The following MSI2 variants were observed in gnomAD, a reference collection of about 807,000 sequenced individuals.
The protein encoded by MSI2 is RNA-binding protein Musashi homolog 2.
A neutral mutation model predicts 45.6 loss-of-function variants in MSI2; 17 were observed. The observed-to-expected ratio is 0.37, with a 90% CI of 0.26 to 0.56. The LOEUF (loss-of-function observed/expected upper bound fraction) is 0.56. Ranked by LOEUF, MSI2 falls within the 20% of genes least tolerant of loss-of-function variation. The pLI, the probability that MSI2 is intolerant of heterozygous loss-of-function variation, is 0.77. For synonymous variants in MSI2, 156 were observed against 158.2 expected (o/e 0.99, Z 0.11); for missense variants, 293 against 444.2 (o/e 0.66, Z 3.06).
chr17:57,359,867 T>A (rs1017193934), intron 5 of MSI2, among the ~76,000 whole-genome samples: 2 of 152,268 alleles, frequency 1.3e-5, no homozygotes, highest in Admixed American at 1.3e-4. Context: ...TCACCCACTA[T>A]GCTGAGCTCC....
intron 11 of MSI2, among the ~76,000 whole-genome samples, chr17:57,662,279 C>T (rs1912045805): frequency 6.6e-6 from 1 of 152,086 alleles, no homozygotes; most frequent in South Asian, 2.1e-4. Flanking sequence ...GCAGCCACTC[C>T]GTGGTATAGG....
intron 6 of MSI2, among the ~76,000 whole-genome samples, chr17:57,518,543 G>A (rs149641367): frequency 1.7e-3 from 258 of 152,354 alleles, no homozygotes; most frequent in Middle Eastern, 6.8e-3. Flanking sequence ...GAGTCGTGGA[G>A]ATCCATTTTG....
At chr17:57,674,195 C>T (rs529907160) in intron 11 of MSI2, among the ~76,000 whole-genome samples, 2 of 148,732 alleles carry the variant, frequency 1.3e-5, no homozygotes, top group Admixed American at 6.8e-5. Context: ...TCCCATCCTC[C>T]GACCACGTTC....
At chr17:57,477,823 G>T (rs1413868008) in intron 6 of MSI2, among the ~76,000 whole-genome samples, 1 of 152,148 alleles carries the variant, frequency 6.6e-6, no homozygotes, top group Non-Finnish European at 1.5e-5. Context: ...GTCCCTCCTG[G>T]GTGATTTCCT....
chr17:57,375,984 A>C (rs1313215312), intron 5 of MSI2, among the ~76,000 whole-genome samples: 1 of 152,098 alleles, frequency 6.6e-6, no homozygotes, highest in Non-Finnish European at 1.5e-5. Context: ...TGCTTGCTTT[A>C]ATTAGGTGAT....
At chr17:57,565,758 C>T (rs544079701) in intron 7 of MSI2, among the ~76,000 whole-genome samples, 1 of 152,326 alleles carries the variant, frequency 6.6e-6, no homozygotes, top group African/African-American at 2.4e-5. Context: ...GCAGTTGAAG[C>T]TGTATCCACC....
intron 5 of MSI2, among the ~76,000 whole-genome samples, chr17:57,323,978 A>T (rs1386755893): frequency 6.6e-6 from 1 of 152,126 alleles, no homozygotes; most frequent in Non-Finnish European, 1.5e-5. Context: ...TGACAGTAAA[A>T]GGAAGACTAG....
intron 5 of MSI2, among the ~76,000 whole-genome samples, chr17:57,368,618 AAC>A (rs1329694826): frequency 6.6e-6 from 1 of 152,244 alleles, no homozygotes; most frequent in Non-Finnish European, 1.5e-5. Flanking sequence ...TGAGAGATAT[AAC>A]ACACATAATT....
At chr17:57,698,095 C>T in the MSI2 span, among the ~76,000 whole-genome samples, 1 of 152,126 alleles carries the variant, frequency 6.6e-6, no homozygotes, top group African/African-American at 2.4e-5. Context: ...GGATTCTGCC[C>T]TCCCACCTTC....
chr17:57,596,789 G>A lies in MSI2; in HGVS notation c.455-79G>A, dbSNP rs1000919468. 22 of 987,558 alleles carry A rather than the reference G, an allele frequency of 2.2e-5. No homozygotes were observed. The highest frequency in any genetic ancestry group is 2.9e-5 in the Non-Finnish European group (18 of 620,112). The allele number at this position is 987,558 out of a possible 1,614,324, so 61.2% of individuals were successfully genotyped here. A position where few individuals can be genotyped will look rare whatever the true frequency, so the allele number is the denominator to read the frequency against. ...CAGGAGGCTGTCAAGACCTCAGGAC[G>A]TCAGAGAAAAACCTGGGCCTGCCAG... is the stretch of plus-strand genomic sequence containing the variant. On this transcript the variant is annotated intron_variant, in intron 7 of 13. Transcript: ENST00000284073. The surrounding 1 kb of genome is among the most constrained non-coding windows in gnomAD (Gnocchi z 4.6).
At chr17:57,510,927 C>T (rs1042224101) in intron 6 of MSI2, among the ~76,000 whole-genome samples, 9 of 152,196 alleles carry the variant, frequency 5.9e-5, no homozygotes, top group African/African-American at 2.2e-4. Context: ...GTCTCTGCCT[C>T]GCTGTATCCC....
chr17:57,423,747 A>G (rs2084439015), intron 6 of MSI2, among the ~76,000 whole-genome samples: 1 of 152,046 alleles, frequency 6.6e-6, no homozygotes, highest in South Asian at 2.1e-4. Context: ...AGCGTTTTGC[A>G]TGGGTTCTTC....
chr17:57,495,547 A>AAAG (rs1555613505), intron 6 of MSI2, among the ~76,000 whole-genome samples: 2 of 149,588 alleles, frequency 1.3e-5, no homozygotes, highest in Admixed American at 6.6e-5. Context: ...AAAAAAAAAA[A>AAAG]AAAAAGAAAG....
chr17:57,429,309 G>A (rs76793464), intron 6 of MSI2, among the ~76,000 whole-genome samples: 8,829 of 152,258 alleles, frequency 0.058, 318 homozygotes, highest in Non-Finnish European at 0.08. Context: ...GGGGTTTTGC[G>A]TGTGTCTAAA....
intron 8 of MSI2, 101 bp downstream of exon 8, chr17:57,597,051 A>T (rs2144457135): frequency 5.2e-4 from 399 of 760,536 alleles, no homozygotes; most frequent in Middle Eastern, 9.4e-4. Context: ...TGGAGTGGGC[A>T]GGGGTGGGGA....
At position 57,444,127 on chromosome 17, in the gene MSI2, T is replaced by C. The variant is rs549205103; in HGVS notation, c.405+42656T>C. Among the ~76,000 whole-genome samples the C allele has an allele frequency of 2.6e-5, 4 of 152,262 alleles. No homozygotes were observed. In the East Asian group the frequency reaches 7.7e-4, roughly 29 times the overall value. ...TTTTTTAGAAAGGACTCGAGAGGCCTTTTAGGGTCAAGATTACCAAGGCCT... is the reference window on the plus strand; with the variant it reads ...TTTTTTAGAAAGGACTCGAGAGGCCCTTTAGGGTCAAGATTACCAAGGCCT... On this transcript the variant is annotated intron_variant, in intron 6 of 13. Coordinates refer to ENST00000284073, the MANE Select transcript of MSI2 (RefSeq NM_138962.4).
At chr17:57,694,554 G>T in the MSI2 span, among the ~76,000 whole-genome samples, 3 of 152,106 alleles carry the variant, frequency 2.0e-5, no homozygotes, top group African/African-American at 4.8e-5. Flanking sequence ...TCCAGGCTGT[G>T]GGGAATGGGC....
chr17:57,286,009 GAGGGTA>G (rs1356529589), intron 5 of MSI2: 1 of 1,529,900 alleles, frequency 6.5e-7, no homozygotes, highest in South Asian at 1.2e-5. Context: ...GCAATCTGAT[GAGGGTA>G]AGAAAAAGTT....
At chr17:57,563,238 G>A (rs2087631872) in intron 7 of MSI2, among the ~76,000 whole-genome samples, 1 of 151,724 alleles carries the variant, frequency 6.6e-6, no homozygotes. Flanking sequence ...TACCCATTAA[G>A]TCATTTCTCA....
Sources: allele counts gnomAD v4.1 joint callset (sites outside exome capture counted in the v4.1 genomes callset), GRCh38; gene constraint gnomAD v4.1.1; non-coding constraint Gnocchi (gnomAD v3.1); transcripts MANE v1.5; gene names NCBI Gene and HGNC (gene_info 2026-07-23, HGNC 2026-07-21).